FOXN3: variants seen among roughly 807,000 people sequenced by gnomAD.
FOXN3 encodes forkhead box protein N3.
In FOXN3, 7 loss-of-function variants were observed where a neutral mutation model predicts 38.4. The ratio of observed to expected loss-of-function variants is 0.18; its 90% CI spans 0.10 to 0.34. The LOEUF is 0.34. Among genes scored for constraint, FOXN3 ranks in the 10% least tolerant of loss-of-function variants. The pLI, the probability that FOXN3 is intolerant of heterozygous loss-of-function variation, is 1.00. For missense variants in FOXN3, 456 were observed against 613.4 expected, an observed-to-expected ratio of 0.74 and a Z score of 2.71; for synonymous variants, 230 against 242.2, an observed-to-expected ratio of 0.95 and a Z score of 0.47.
At chr14:89,575,779 CT>C (rs1566705891) in intron 1 of FOXN3, among the ~76,000 whole-genome samples, 1 of 152,224 alleles carries the variant, frequency 6.6e-6, no homozygotes, top group Non-Finnish European at 1.5e-5. Flanking sequence ...CCAGTTCACG[CT>C]TTTGTCTACT....
intron 1 of FOXN3, among the ~76,000 whole-genome samples, chr14:89,477,852 G>A (rs1893242421): frequency 6.6e-6 from 1 of 151,920 alleles, no homozygotes; most frequent in South Asian, 2.1e-4. Flanking sequence ...TCGTGATAAT[G>A]TTGATGAGAA....
intron 1 of FOXN3, among the ~76,000 whole-genome samples, chr14:89,606,636 G>T (rs1896281505): frequency 1.3e-5 from 2 of 152,182 alleles, no homozygotes; most frequent in Non-Finnish European, 2.9e-5. Context: ...GAGCACCTGA[G>T]GTCAGGAGTT....
chr14:89,164,500 C>A lies in FOXN3; in HGVS notation c.852-1531G>T, dbSNP rs1887189291. On this transcript the variant is annotated intron_variant, in intron 5 of 5. Coordinates refer to ENST00000557258, the MANE Select transcript of FOXN3 (RefSeq NM_005197.4). This position sits in a 1 kb window ranked among gnomAD's most constrained non-coding sequence, Gnocchi z 4.3. ...TTACATCCCCTCCATAGAGGGCACT[C>A]CCCACCATCATTATGAACTGTGTGG... Among the ~76,000 whole-genome samples the A allele has an allele frequency of 6.6e-6, 1 of 152,168 alleles. No homozygotes were observed. The highest frequency in any genetic ancestry group is 2.4e-5 in the African/African-American group (1 of 41,424).
chr14:89,343,710 T>C (rs1388362383), intron 3 of FOXN3, among the ~76,000 whole-genome samples: 1 of 133,392 alleles, frequency 7.5e-6, no homozygotes, highest in Non-Finnish European at 1.6e-5. Context: ...AGCTTAAATG[T>C]CTGGAATTTA....
At chr14:89,536,612 C>T (rs1421614359) in intron 1 of FOXN3, among the ~76,000 whole-genome samples, 1 of 152,016 alleles carries the variant, frequency 6.6e-6, no homozygotes, top group East Asian at 1.9e-4. Flanking sequence ...AAACCCCCGT[C>T]TCTACTAAAA....
At chr14:89,416,836 A>G (rs1891748137) in intron 1 of FOXN3, 35 bp downstream of exon 1, 1 of 151,686 alleles carries the variant, frequency 6.6e-6, no homozygotes, top group South Asian at 2.1e-4. Flanking sequence ...CCCCGAGCCC[A>G]CGCGGGAGCC....
In FOXN3 at chr14:89,376,226, G is replaced by A. The variant is rs945191693; in HGVS notation, c.544-25418C>T. On this transcript the variant is annotated intron_variant, in intron 2 of 5. Transcript: ENST00000557258. The stretch of plus-strand genomic sequence containing the variant: ...GCAAGAAAGTACTTAAAGACTAAAA[G>A]GAGTATGTTCAAAGGACAAAAGAAG... Among the ~76,000 whole-genome samples, 81 of 152,110 alleles carry A rather than the reference G, an allele frequency of 5.3e-4. 1 individual carries two copies. Among genetic ancestry groups the A allele is most frequent in the African/African-American group, 1.9e-3 (77 of 41,420 alleles).
chr14:89,611,714 G>A (rs537127041), intron 1 of FOXN3, among the ~76,000 whole-genome samples: 8 of 151,200 alleles, frequency 5.3e-5, no homozygotes, highest in African/African-American at 1.9e-4. Context: ...GCTGAGGCAG[G>A]AGAACGGCGT....
intron 3 of FOXN3, among the ~76,000 whole-genome samples, chr14:89,349,198 T>C (rs1888872563): frequency 6.6e-6 from 1 of 152,184 alleles, no homozygotes; most frequent in African/African-American, 2.4e-5. Flanking sequence ...CTGGTTCTCT[T>C]CCATTTGGGG....
At chr14:89,442,890 C>T (rs1263755409) in intron 1 of FOXN3, among the ~76,000 whole-genome samples, 1 of 152,234 alleles carries the variant, frequency 6.6e-6, no homozygotes. Context: ...TTTCACACTA[C>T]AGTGCCAGAA....
At chr14:89,388,403 T>G (rs1202706621) in intron 2 of FOXN3, among the ~76,000 whole-genome samples, 2 of 151,974 alleles carry the variant, frequency 1.3e-5, no homozygotes, top group Non-Finnish European at 2.9e-5. Context: ...GCAAGCAGGG[T>G]GTGGGATGCT....
intron 5 of FOXN3, among the ~76,000 whole-genome samples, chr14:89,179,728 G>A (rs1197223747): frequency 6.6e-6 from 1 of 152,156 alleles, no homozygotes; most frequent in African/African-American, 2.4e-5. Flanking sequence ...GCAAAGAGAA[G>A]TTTCTCTGAT....
intron 1 of FOXN3, among the ~76,000 whole-genome samples, chr14:89,531,800 CTTGTT>C (rs10550578): frequency 0.82 from 124,476 of 151,074 alleles, 51,463 homozygotes; most frequent in Admixed American, 0.87. Flanking sequence ...GCCAGTGGTT[CTTGTT>C]TTGTTTTGTT....
intron 2 of FOXN3, among the ~76,000 whole-genome samples, chr14:89,385,469 C>T (rs989953743): frequency 2.4e-5 from 3 of 126,296 alleles, no homozygotes; most frequent in African/African-American, 8.5e-5. Context: ...ACCAATTTCT[C>T]TCTGAATAAC....
intron 4 of FOXN3, among the ~76,000 whole-genome samples, chr14:89,195,972 G>C (rs748360248): frequency 2.0e-5 from 3 of 152,082 alleles, no homozygotes; most frequent in Non-Finnish European, 4.4e-5. Context: ...CCATCATCCA[G>C]ACTGAGCCAA....
At chr14:89,329,921 G>A (rs1367385892) in intron 3 of FOXN3, among the ~76,000 whole-genome samples, 2 of 143,560 alleles carry the variant, frequency 1.4e-5, no homozygotes, top group Admixed American at 1.4e-4. Flanking sequence ...ATAGTACCAA[G>A]GCGGAAAAAC....
At chr14:89,364,997 A>C (rs1320851503) in intron 2 of FOXN3, among the ~76,000 whole-genome samples, 1 of 152,234 alleles carries the variant, frequency 6.6e-6, no homozygotes, top group African/African-American at 2.4e-5. Context: ...AAATAAAACC[A>C]AAATAATCCC....
At chr14:89,558,551 C>T (rs1303837913) in intron 1 of FOXN3, among the ~76,000 whole-genome samples, 2 of 152,172 alleles carry the variant, frequency 1.3e-5, no homozygotes, top group Non-Finnish European at 2.9e-5. Flanking sequence ...AAGGTAGGAA[C>T]CTGGTTACCA....
At chr14:89,398,455 G>C (rs1171402239) in intron 2 of FOXN3, among the ~76,000 whole-genome samples, 1 of 152,222 alleles carries the variant, frequency 6.6e-6, no homozygotes, top group East Asian at 1.9e-4. Flanking sequence ...GCAGCTGACA[G>C]GGAGAAGTAG....
Sources: allele counts gnomAD v4.1 joint callset (sites outside exome capture counted in the v4.1 genomes callset), GRCh38; gene constraint gnomAD v4.1.1; non-coding constraint Gnocchi (gnomAD v3.1); transcripts MANE v1.5; gene names NCBI Gene and HGNC (gene_info 2026-07-23, HGNC 2026-07-21).